Variants in DPP10 observed in about 807,000 individuals in gnomAD.
The protein encoded by DPP10 is dipeptidyl peptidase like 10, also known as inactive dipeptidyl peptidase 10.
DPP10 carries 33 observed loss-of-function variants against 120.9 expected under a neutral mutation model. That is an observed-to-expected ratio of 0.27 (90% CI 0.21 to 0.37). The LOEUF (loss-of-function observed/expected upper bound fraction) is 0.37. DPP10 is among the 10% of genes least tolerant of loss of function. The pLI is 1.00. For missense variants in DPP10, 816 were observed against 942.8 expected (o/e 0.87, Z 1.76); for synonymous variants, 337 against 326.1 (o/e 1.03, Z -0.36).
At chr2:115,541,347 G>T (rs989261315) in intron 5 of DPP10, among the ~76,000 whole-genome samples, 1 of 151,754 alleles carries the variant, frequency 6.6e-6, no homozygotes, top group Non-Finnish European at 1.5e-5. Flanking sequence ...AACTGTGGCT[G>T]CATTTCTGAT....
intron 2 of DPP10, among the ~76,000 whole-genome samples, chr2:115,324,267 C>T (rs2062222469): frequency 6.6e-6 from 1 of 152,070 alleles, no homozygotes; most frequent in African/African-American, 2.4e-5. Context: ...CAGAGCGACA[C>T]TCCGTCTCAA....
intron 1 of DPP10, among the ~76,000 whole-genome samples, chr2:115,194,766 G>A (rs975726194): frequency 7.9e-5 from 12 of 152,072 alleles, no homozygotes; most frequent in African/African-American, 2.9e-4. Flanking sequence ...GAATCTACAC[G>A]GCAGAGGACT....
chr2:115,541,490 G>T (rs2148964613), intron 5 of DPP10, among the ~76,000 whole-genome samples: 1 of 151,984 alleles, frequency 6.6e-6, no homozygotes, highest in African/African-American at 2.4e-5. Flanking sequence ...GTATCTGTGT[G>T]TGTGTGCGAG....
At chr2:114,683,248 T>C (rs930289326) in intron 1 of DPP10, among the ~76,000 whole-genome samples, 1 of 152,026 alleles carries the variant, frequency 6.6e-6, no homozygotes, top group Non-Finnish European at 1.5e-5. Context: ...TTCTCCCATT[T>C]AGTTTTTTTC....
intron 1 of DPP10, among the ~76,000 whole-genome samples, chr2:114,490,382 C>A (rs1681884394): frequency 6.6e-6 from 1 of 151,824 alleles, no homozygotes; most frequent in South Asian, 2.1e-4. Context: ...GCCCAACACC[C>A]ATTTCAGCTC....
At chr2:114,927,641 G>T (rs542796367) in intron 1 of DPP10, among the ~76,000 whole-genome samples, 36 of 152,176 alleles carry the variant, frequency 2.4e-4, no homozygotes, top group South Asian at 4.1e-4. Flanking sequence ...AGGCAGATTT[G>T]CCCTGAGAAG....
At chr2:115,527,973 T>C (rs1380255714) in intron 5 of DPP10, among the ~76,000 whole-genome samples, 1 of 152,146 alleles carries the variant, frequency 6.6e-6, no homozygotes, top group Admixed American at 6.6e-5. Context: ...AAACTAAGCA[T>C]ATATTTGGGT....
chr2:115,791,774 A>G (rs947027743), intron 19 of DPP10, among the ~76,000 whole-genome samples: 2 of 152,138 alleles, frequency 1.3e-5, no homozygotes, highest in Non-Finnish European at 2.9e-5. Context: ...AGCTGCTCCT[A>G]TGCTCAGAAA....
chr2:115,626,351 A>G (rs2085358847), intron 5 of DPP10, among the ~76,000 whole-genome samples: 1 of 151,912 alleles, frequency 6.6e-6, no homozygotes, highest in African/African-American at 2.4e-5. Context: ...TTACTTGATT[A>G]ATTAATTTGT....
chr2:115,635,806 G>A (rs556875188), intron 5 of DPP10, among the ~76,000 whole-genome samples: 29 of 152,160 alleles, frequency 1.9e-4, no homozygotes, highest in African/African-American at 6.0e-4. Context: ...AATAAATATG[G>A]CTGGAATGAT....
chr2:115,101,255 C>T (rs894316983), intron 1 of DPP10, among the ~76,000 whole-genome samples: 2 of 152,148 alleles, frequency 1.3e-5, no homozygotes, highest in African/African-American at 2.4e-5. Context: ...TCTGCACCTA[C>T]CCCACCTTAT....
intron 8 of DPP10, among the ~76,000 whole-genome samples, chr2:115,737,798 A>G (rs749134017): frequency 1.3e-5 from 2 of 152,148 alleles, no homozygotes; most frequent in South Asian, 4.1e-4. Flanking sequence ...AATTGTAACA[A>G]ATTTTCTCTG....
intron 1 of DPP10, among the ~76,000 whole-genome samples, chr2:114,868,480 C>T (rs1291325866): frequency 1.3e-5 from 2 of 152,150 alleles, no homozygotes; most frequent in African/African-American, 4.8e-5. Context: ...CCACGTTCAC[C>T]TCCAATTCAG....
At chr2:114,582,146 A>G (rs936842844) in intron 1 of DPP10, among the ~76,000 whole-genome samples, 2 of 152,030 alleles carry the variant, frequency 1.3e-5, no homozygotes, top group Non-Finnish European at 2.9e-5. Context: ...CCTGACAACC[A>G]CTGATCTTTT....
chr2:114,690,148 A>G (rs1699640493), intron 1 of DPP10, among the ~76,000 whole-genome samples: 1 of 151,760 alleles, frequency 6.6e-6, no homozygotes, highest in Admixed American at 6.6e-5. Flanking sequence ...TCATTATAAA[A>G]TCTTTGCCCA....
At chr2:114,484,959 C>A (rs949757969) in intron 1 of DPP10, among the ~76,000 whole-genome samples, 3 of 146,716 alleles carry the variant, frequency 2.0e-5, no homozygotes, top group Non-Finnish European at 4.5e-5. Flanking sequence ...TTTTGAAGAA[C>A]GGGTTTCAAA....
chr2:115,681,382 G>A (rs10186363), intron 5 of DPP10, among the ~76,000 whole-genome samples: 1,709 of 151,598 alleles, frequency 0.011, 28 homozygotes, highest in African/African-American at 0.039. Flanking sequence ...TTTAACACAG[G>A]TATGTTAATT....
chr2:114,951,483 A>G (rs1697780165), intron 1 of DPP10, among the ~76,000 whole-genome samples: 1 of 152,188 alleles, frequency 6.6e-6, no homozygotes, highest in Non-Finnish European at 1.5e-5. Flanking sequence ...ATTGTAACCA[A>G]TTTTGCATTC....
intron 1 of DPP10, among the ~76,000 whole-genome samples, chr2:114,522,138 C>T (rs1685118768): frequency 6.6e-6 from 1 of 150,728 alleles, no homozygotes; most frequent in Non-Finnish European, 1.5e-5. Context: ...CGCCACTACA[C>T]CCGGCTAATT....
Sources: allele counts gnomAD v4.1 joint callset (sites outside exome capture counted in the v4.1 genomes callset), GRCh38; gene constraint gnomAD v4.1.1; transcripts MANE v1.5; gene names NCBI Gene and HGNC (gene_info 2026-07-23, HGNC 2026-07-21).